Variants in CSMD1 observed in about 807,000 individuals in gnomAD.
CSMD1 encodes the protein CUB and sushi domain-containing protein 1.
A neutral mutation model predicts 417.5 loss-of-function variants in CSMD1; 213 were observed. The observed-to-expected ratio is 0.51, with a 90% CI of 0.46 to 0.57. CSMD1 has a LOEUF of 0.57. Among genes scored for constraint, CSMD1 ranks in the 20% least tolerant of loss-of-function variants. CSMD1 has a pLI of 0.00. For missense variants in CSMD1, 6,923 were observed against 4,529.7 expected, an observed-to-expected ratio of 1.53 and a Z score of -15.17; for synonymous variants, 2,862 against 1,736.8, an observed-to-expected ratio of 1.65 and a Z score of -16.11.
chr8:3,564,471 C>A (rs561182488), intron 10 of CSMD1, among the ~76,000 whole-genome samples: 1 of 151,380 alleles, frequency 6.6e-6, no homozygotes, highest in Non-Finnish European at 1.5e-5. Flanking sequence ...ACGTTGTACA[C>A]TGATAAGGGA....
intron 3 of CSMD1, among the ~76,000 whole-genome samples, chr8:4,114,374 C>T (rs989612362): frequency 6.6e-6 from 1 of 152,156 alleles, no homozygotes; most frequent in African/African-American, 2.4e-5. Flanking sequence ...ACTGTTGAGA[C>T]CTACTGCTAG....
At chr8:3,794,077 CT>C (rs1353181604) in intron 5 of CSMD1, among the ~76,000 whole-genome samples, 2 of 152,290 alleles carry the variant, frequency 1.3e-5, no homozygotes, top group African/African-American at 4.8e-5. Context: ...TTGGCTTCCC[CT>C]GATGGCTCAT....
At chr8:3,847,851 C>G (rs983539519) in intron 5 of CSMD1, among the ~76,000 whole-genome samples, 2 of 152,150 alleles carry the variant, frequency 1.3e-5, no homozygotes, top group Non-Finnish European at 2.9e-5. Context: ...TGTATTTGCT[C>G]CCATTATGCG....
At chr8:3,545,499 G>A (rs907040718) in intron 10 of CSMD1, among the ~76,000 whole-genome samples, 1 of 152,166 alleles carries the variant, frequency 6.6e-6, no homozygotes, top group Non-Finnish European at 1.5e-5. Flanking sequence ...TTGAAGAGGT[G>A]AGTGATAAAG....
intron 1 of CSMD1, among the ~76,000 whole-genome samples, chr8:4,933,134 G>C (rs1343368261): frequency 2.0e-5 from 3 of 151,916 alleles, no homozygotes; most frequent in Non-Finnish European, 4.4e-5. Context: ...TTCTCTATCT[G>C]GTATATGTTT....
At chr8:4,136,024 G>A (rs1207353734) in intron 3 of CSMD1, among the ~76,000 whole-genome samples, 1 of 151,932 alleles carries the variant, frequency 6.6e-6, no homozygotes, top group South Asian at 2.1e-4. Context: ...AAAATATTAT[G>A]GGTAAAAACC....
At chr8:4,920,932 GAGAA>G (rs1182053483) in intron 1 of CSMD1, among the ~76,000 whole-genome samples, 1,006 of 27,128 alleles carry the variant, frequency 0.037, 103 homozygotes, top group African/African-American at 0.1. Flanking sequence ...AAAAGAAAGA[GAGAA>G]AGAAAGAAAG....
chr8:3,388,279 G>A (rs62503522), intron 17 of CSMD1, among the ~76,000 whole-genome samples: 9,459 of 152,204 alleles, frequency 0.062, 338 homozygotes, highest in Middle Eastern at 0.12. Flanking sequence ...CTTTGCTAAC[G>A]ATGGGAAAAA....
At chr8:4,158,030 G>A (rs1183402918) in intron 3 of CSMD1, among the ~76,000 whole-genome samples, 1 of 151,574 alleles carries the variant, frequency 6.6e-6, no homozygotes, top group Admixed American at 6.6e-5. Context: ...CGGAACCAAT[G>A]CCTGCTCAAA....
chr8:3,454,096 TG>T (rs1460007745), intron 12 of CSMD1, among the ~76,000 whole-genome samples: 2 of 152,182 alleles, frequency 1.3e-5, no homozygotes, highest in Non-Finnish European at 2.9e-5. Flanking sequence ...TGATCTTTGT[TG>T]GTTTAAAGTC....
intron 2 of CSMD1, among the ~76,000 whole-genome samples, chr8:4,549,997 T>G (rs578153938): frequency 1.4e-4 from 21 of 151,968 alleles, no homozygotes; most frequent in African/African-American, 4.8e-4. Context: ...GTCACATTTC[T>G]GTTAATCAAG....
intron 2 of CSMD1, among the ~76,000 whole-genome samples, chr8:4,444,539 G>C (rs1798669461): frequency 6.6e-6 from 1 of 151,862 alleles, no homozygotes; most frequent in Non-Finnish European, 1.5e-5. Flanking sequence ...GAACAATAAT[G>C]TCCATCTTTT....
chr8:4,230,942 T>G (rs1359548182), intron 3 of CSMD1, among the ~76,000 whole-genome samples: 1 of 152,164 alleles, frequency 6.6e-6, no homozygotes, highest in Admixed American at 6.5e-5. Flanking sequence ...TTTTTTCTAC[T>G]TGGAAAACAT....
intron 1 of CSMD1, among the ~76,000 whole-genome samples, chr8:4,962,059 T>C (rs1010715002): frequency 1.3e-5 from 2 of 151,938 alleles, no homozygotes; most frequent in East Asian, 1.9e-4. Flanking sequence ...ATTTACTCCA[T>C]TATATCTATT....
intron 5 of CSMD1, among the ~76,000 whole-genome samples, chr8:3,927,008 C>T (rs564987251): frequency 6.6e-5 from 10 of 151,910 alleles, no homozygotes; most frequent in African/African-American, 2.2e-4. Flanking sequence ...GCCACCGTGC[C>T]CGGCCAAATT....
intron 5 of CSMD1, among the ~76,000 whole-genome samples, chr8:3,881,728 C>T (rs1806220547): frequency 6.6e-6 from 1 of 151,274 alleles, no homozygotes; most frequent in Non-Finnish European, 1.5e-5. Context: ...CCTTACACTA[C>T]CAGTTATCAA....
chr8:3,907,947 G>A (rs1379055451), intron 5 of CSMD1, among the ~76,000 whole-genome samples: 1 of 152,028 alleles, frequency 6.6e-6, no homozygotes, highest in African/African-American at 2.4e-5. Flanking sequence ...ATTTTTTTGG[G>A]GGGTGTGGGG....
At position 4,257,234 on chromosome 8, in the gene CSMD1, T is replaced by C. The variant is rs536420055; in HGVS notation, c.415+162719A>G. ...TTTTATTGAAAGAGACTAATACTAT[T>C]CTGCCATGTATTTTAATTTTATTAT... On this transcript the variant is annotated intron_variant, in intron 3 of 69. Transcript: ENST00000635120. 1.3e-3 allele frequency among the ~76,000 whole-genome samples: 201 copies of C among 152,326 alleles called. 3 individuals carry two copies. Among genetic ancestry groups the C allele is most frequent in the African/African-American group, 4.7e-3 (196 of 41,560 alleles).
chr8:3,806,935 C>T (rs545009106), intron 5 of CSMD1, among the ~76,000 whole-genome samples: 2 of 152,184 alleles, frequency 1.3e-5, no homozygotes, highest in African/African-American at 2.4e-5. Flanking sequence ...TTCTAATTGT[C>T]AGATAGGATT....
Sources: gnomAD v4.1 joint callset for allele counts (sites outside exome capture counted in the v4.1 genomes callset) on GRCh38, gnomAD v4.1.1 for gene constraint, MANE v1.5 for transcripts, NCBI Gene and HGNC (gene_info 2026-07-23, HGNC 2026-07-21) for gene names.